Variants in ATP5MK observed in about 807,000 individuals in gnomAD.
The protein encoded by ATP5MK is ATP synthase F(0) complex subunit k, mitochondrial.
A neutral mutation model predicts 6.6 loss-of-function variants in ATP5MK; 5 were observed. That is an observed-to-expected ratio of 0.76 (90% CI 0.40 to 1.60). ATP5MK has a LOEUF of 1.60. Ranked by LOEUF, ATP5MK falls within the 40% of genes most tolerant of loss-of-function variation. The pLI, the probability that ATP5MK is intolerant of heterozygous loss-of-function variation, is 0.02. For synonymous variants in ATP5MK, 30 were observed against 24.5 expected (o/e 1.22, Z -0.66); for missense variants, 57 against 66.6 (o/e 0.86, Z 0.50).
intron 4 of ATP5MK, among the ~76,000 whole-genome samples, chr10:103,389,697 G>A (rs1056647447): frequency 6.6e-6 from 1 of 152,002 alleles, no homozygotes; most frequent in Non-Finnish European, 1.5e-5. Context: ...GATCCTAAAG[G>A]TATACTATTG....
intron 4 of ATP5MK, among the ~76,000 whole-genome samples, chr10:103,390,652 G>A (rs370005800): frequency 3.3e-5 from 5 of 152,080 alleles, no homozygotes; most frequent in Admixed American, 6.5e-5. Flanking sequence ...TTAGCCATGC[G>A]TGGTGGTGTG....
intron 4 of ATP5MK, among the ~76,000 whole-genome samples, chr10:103,390,953 CAG>C (rs1212784495): frequency 1.3e-5 from 2 of 151,962 alleles, no homozygotes; most frequent in African/African-American, 4.8e-5. Flanking sequence ...AAGGAAAAGA[CAG>C]AATTACATAA....
intron 2 of ATP5MK, among the ~76,000 whole-genome samples, chr10:103,394,561 G>A (rs2093424441): frequency 6.6e-6 from 1 of 152,178 alleles, no homozygotes; most frequent in Non-Finnish European, 1.5e-5. Flanking sequence ...TTGGAGCAAT[G>A]AAGGAAATCC....
chr10:103,389,748 C>T (rs889590931), intron 4 of ATP5MK, among the ~76,000 whole-genome samples: 36 of 149,764 alleles, frequency 2.4e-4, no homozygotes, highest in African/African-American at 6.9e-4. Flanking sequence ...TTTTTTTGTT[C>T]GGAGACACAG....
chr10:103,391,032 A>G (rs1292418500), intron 4 of ATP5MK, among the ~76,000 whole-genome samples: 1 of 152,258 alleles, frequency 6.6e-6, no homozygotes, highest in East Asian at 1.9e-4. Context: ...ATGATTACAT[A>G]GAGCTTCCAA....
intron 4 of ATP5MK, among the ~76,000 whole-genome samples, chr10:103,390,039 T>C (rs1427251185): frequency 1.3e-5 from 2 of 151,732 alleles, no homozygotes; most frequent in African/African-American, 4.8e-5. Context: ...GCCTCTCCAT[T>C]TTTGTAATGG....
chr10:103,393,658 C>T (rs754777376), intron 2 of ATP5MK, among the ~76,000 whole-genome samples: 3 of 151,920 alleles, frequency 2.0e-5, no homozygotes, highest in African/African-American at 4.8e-5. Flanking sequence ...AGTATCTTAT[C>T]GAATTATAAA....
chr10:103,389,361 T>C (rs2093406682), intron 4 of ATP5MK, among the ~76,000 whole-genome samples, 195 bp from the exon 5 acceptor site: 1 of 152,238 alleles, frequency 6.6e-6, no homozygotes, highest in Admixed American at 6.5e-5. Context: ...TCGCTCTTGT[T>C]GCCCAGGCTG....
intron 4 of ATP5MK, among the ~76,000 whole-genome samples, chr10:103,389,497 T>G (rs1483609716): frequency 6.6e-6 from 1 of 151,174 alleles, no homozygotes; most frequent in African/African-American, 2.4e-5. Flanking sequence ...TAATTTTGTA[T>G]TTTTTAGTAG....
intron 4 of ATP5MK, among the ~76,000 whole-genome samples, chr10:103,390,438 G>T (rs896597356): frequency 1.3e-5 from 2 of 151,924 alleles, no homozygotes; most frequent in Admixed American, 6.6e-5. Context: ...AGGTTGCAGT[G>T]ATCTGAGATC....
At chr10:103,393,377 G>A (rs1322225430) in intron 2 of ATP5MK, among the ~76,000 whole-genome samples, 2 of 151,934 alleles carry the variant, frequency 1.3e-5, no homozygotes, top group South Asian at 2.1e-4. Context: ...TCAGGAGATC[G>A]AGACCATCCT....
intron 2 of ATP5MK, among the ~76,000 whole-genome samples, chr10:103,394,804 T>C (rs1348999486): frequency 2.9e-5 from 4 of 137,896 alleles, no homozygotes; most frequent in Non-Finnish European, 6.2e-5. Context: ...ATTCACTTCT[T>C]AGGGTTTGAA....
chr10:103,392,675 G>T (rs2093418109), intron 2 of ATP5MK, among the ~76,000 whole-genome samples: 1 of 152,158 alleles, frequency 6.6e-6, no homozygotes, highest in Non-Finnish European at 1.5e-5. Context: ...ATTTTACCTT[G>T]ATCGCTATTT....
At chr10:103,393,591 AAAT>A (rs1308642924) in intron 2 of ATP5MK, among the ~76,000 whole-genome samples, 38 of 151,354 alleles carry the variant, frequency 2.5e-4, no homozygotes, top group African/African-American at 8.9e-4. Flanking sequence ...AAAAAAAAAA[AAAT>A]AAATAAATAA....
chr10:103,390,184 T>C (rs188843168), intron 4 of ATP5MK, among the ~76,000 whole-genome samples: 64 of 152,206 alleles, frequency 4.2e-4, no homozygotes, highest in Non-Finnish European at 8.2e-4. Flanking sequence ...TGTTTTGAGA[T>C]TGGAAAAGCT....
At chr10:103,395,051 ATCAC>A (rs1165511646) in intron 2 of ATP5MK, among the ~76,000 whole-genome samples, 1 of 152,198 alleles carries the variant, frequency 6.6e-6, no homozygotes, top group Non-Finnish European at 1.5e-5. Context: ...ACTGAAATCA[ATCAC>A]TCAAGTTAGT....
At chr10:103,393,985 T>C (rs2093422404) in intron 2 of ATP5MK, among the ~76,000 whole-genome samples, 2 of 152,210 alleles carry the variant, frequency 1.3e-5, no homozygotes, top group Non-Finnish European at 2.9e-5. Flanking sequence ...CCAGCAGCAT[T>C]AGCATCACTG....
intron 4 of ATP5MK, among the ~76,000 whole-genome samples, chr10:103,391,198 T>C (rs1479031513): frequency 1.3e-5 from 2 of 152,236 alleles, no homozygotes; most frequent in East Asian, 3.8e-4. Context: ...ACATTTCACA[T>C]TGGCTGGGCA....
intron 4 of ATP5MK, among the ~76,000 whole-genome samples, chr10:103,391,431 C>T (rs764798204): frequency 6.6e-6 from 1 of 152,140 alleles, no homozygotes; most frequent in Non-Finnish European, 1.5e-5. Context: ...AAATTACAGA[C>T]GTGATCATAG....
Sources: allele counts gnomAD v4.1 joint callset (sites outside exome capture counted in the v4.1 genomes callset), GRCh38; gene constraint gnomAD v4.1.1; transcripts MANE v1.5; gene names NCBI Gene and HGNC (gene_info 2026-07-23, HGNC 2026-07-21).